Variants in ZNF431 observed in about 807,000 individuals in gnomAD.
The protein encoded by ZNF431 is zinc finger protein 431.
A neutral mutation model predicts 57.0 loss-of-function variants in ZNF431; 34 were observed. The observed-to-expected ratio is 0.60, with a 90% CI of 0.45 to 0.79. The LOEUF is 0.79. ZNF431 is among the 30% of genes least tolerant of loss of function. ZNF431 has a pLI of 0.00. For missense variants in ZNF431, 607 were observed against 667.1 expected (o/e 0.91, Z 0.99); for synonymous variants, 207 against 220.3 (o/e 0.94, Z 0.54).
intron 2 of ZNF431, 29 bp from the exon 3 acceptor site, chr19:21,166,306 A>T (rs1395471592): frequency 3.1e-6 from 5 of 1,607,080 alleles, no homozygotes; most frequent in African/African-American, 1.3e-5. Context: ...TGGTAAATAT[A>T]TGTGTGTCTC....
intron 2 of ZNF431, among the ~76,000 whole-genome samples, chr19:21,155,154 G>A (rs1599584348): frequency 6.6e-6 from 1 of 152,118 alleles, no homozygotes; most frequent in African/African-American, 2.4e-5. Context: ...ATGGTTTTAG[G>A]TCTAACATTT....
intron 2 of ZNF431, among the ~76,000 whole-genome samples, chr19:21,145,054 C>CTTTCCTTATATGAACACCGTG (rs1555705115): frequency 4.7e-5 from 7 of 148,468 alleles, no homozygotes; most frequent in Non-Finnish European, 8.9e-5. Context: ...ATGTAAGTAC[C>CTTTCCTTATATGAACACCGTG]TTTGAGTAAT....
At chr19:21,157,356 G>C (rs572768380) in intron 2 of ZNF431, among the ~76,000 whole-genome samples, 1 of 151,962 alleles carries the variant, frequency 6.6e-6, no homozygotes, top group Non-Finnish European at 1.5e-5. Flanking sequence ...ATTGTATGCA[G>C]CCTATTATTG....
At chr19:21,147,332 CA>C (rs528665015) in intron 2 of ZNF431, among the ~76,000 whole-genome samples, 1 of 151,398 alleles carries the variant, frequency 6.6e-6, no homozygotes, top group Non-Finnish European at 1.5e-5. Context: ...ACTAAAAATA[CA>C]AAAAAAATAG....
At position 21,183,023 on chromosome 19, in the gene ZNF431, T is replaced by G. The variant is rs1971253810; in HGVS notation, c.720T>G (p.Ala240=). 3.1e-6 allele frequency: 5 copies of G among 1,613,808 alleles called. No homozygotes were observed. The highest frequency in any genetic ancestry group is 1.7e-4 in the Middle Eastern group (1 of 6,058). Residue 240 remains alanine (A), a synonymous_variant, in exon 5 of 5, where the codon GCT becomes GCG. Coordinates refer to ENST00000311048, the MANE Select transcript of ZNF431 (RefSeq NM_133473.4). ...NSYQCEECGK[A]FKWFSTLTRH... ...ACCAATGTGAAGAATGTGGCAAAGC[T>G]TTTAAATGGTTCTCAACCCTTACTA...
At chr19:21,143,437 T>G (rs768355755) in intron 1 of ZNF431, 114 bp from the exon 2 acceptor site, 13 of 828,818 alleles carry the variant, frequency 1.6e-5, no homozygotes, top group African/African-American at 3.5e-5. Flanking sequence ...ACCTTTTAGT[T>G]TTTTTCTGGT....
Position 21,191,581 on chromosome 19 carries a change from T to C in ZNF431, c.*7547T>C, listed in dbSNP as rs1971510957. The C allele has an allele frequency of 6.6e-6, 1 of 152,218 alleles. No homozygotes were observed. The highest frequency in any genetic ancestry group is 1.5e-5 in the Non-Finnish European group (1 of 68,028). The allele number at this position is 152,218 out of a possible 1,614,324, so 9.4% of individuals were successfully genotyped here. Reference sequence around the variant, plus strand: ...TTTATTTCGAGTTTATTTTTACATATGGTGTGAGATGAGGGTCTCAATTTT... The same window carrying C: ...TTTATTTCGAGTTTATTTTTACATACGGTGTGAGATGAGGGTCTCAATTTT... On this transcript the variant is annotated 3_prime_UTR_variant, in exon 5 of 5. Coordinates refer to ENST00000311048, the MANE Select transcript of ZNF431 (RefSeq NM_133473.4).
intron 4 of ZNF431, among the ~76,000 whole-genome samples, chr19:21,178,359 G>A (rs979653220): frequency 1.3e-5 from 2 of 152,118 alleles, no homozygotes; most frequent in African/African-American, 4.8e-5. Context: ...TTAAATAGGA[G>A]TGGTGGGGAG....
chr19:21,169,232 T>C (rs1033023876), intron 4 of ZNF431, among the ~76,000 whole-genome samples: 1 of 152,184 alleles, frequency 6.6e-6, no homozygotes, highest in Admixed American at 6.6e-5. Flanking sequence ...AATTTTAATG[T>C]ACTGTTTATG....
At chr19:21,154,802 G>A (rs1281672254) in intron 2 of ZNF431, among the ~76,000 whole-genome samples, 1 of 152,152 alleles carries the variant, frequency 6.6e-6, no homozygotes, top group Non-Finnish European at 1.5e-5. Flanking sequence ...GTATCTGTTG[G>A]CTGCATAAAT....
chr19:21,183,217 C>T lies in ZNF431; in HGVS notation c.914C>T (p.Thr305Ile). 1 of 1,612,520 alleles carries T rather than the reference C, an allele frequency of 6.2e-7. No individual in the cohort carries two copies. Among genetic ancestry groups the T allele is most frequent in the Non-Finnish European group, 8.5e-7 (1 of 1,179,600 alleles). ...KAFNRSSHLT[T>I]HKIIHTGEKP... ...TTCAACCGGTCCTCACACCTTACTA[C>T]ACATAAGATAATTCATACTGGAGAG... The change falls in exon 5 of 5, where the codon ACA becomes ATA. Residue 305 changes from threonine (T) to isoleucine (I), a missense_variant. By Grantham distance (89) the Thr-to-Ile change is moderately conservative (BLOSUM62 -1). Transcript: ENST00000311048.
intron 2 of ZNF431, among the ~76,000 whole-genome samples, chr19:21,154,623 T>G (rs1353347869): frequency 6.6e-6 from 1 of 152,162 alleles, no homozygotes; most frequent in Admixed American, 6.5e-5. Flanking sequence ...TGAACTAGTT[T>G]ACAGTCCCAC....
chr19:21,175,360 T>G (rs1971020220), intron 4 of ZNF431: 1 of 676,774 alleles, frequency 1.5e-6, no homozygotes, highest in Admixed American at 2.2e-5. Context: ...TTAACTAATT[T>G]TTAAAATGAC....
chr19:21,176,681 G>A (rs1971060529), intron 4 of ZNF431, among the ~76,000 whole-genome samples: 1 of 152,028 alleles, frequency 6.6e-6, no homozygotes, highest in Non-Finnish European at 1.5e-5. Context: ...TCACTCTGAT[G>A]ATAATTTATT....
In ZNF431 at chr19:21,182,705, T is replaced by C. The variant is rs1469139801; in HGVS notation, c.402T>C (p.Tyr134=). 12 of 1,613,902 alleles carry C rather than the reference T, an allele frequency of 7.4e-6. No homozygotes were observed. Among genetic ancestry groups the C allele is most frequent in the South Asian group, 2.2e-5 (2 of 91,082 alleles). Residue 134 remains tyrosine, a synonymous_variant, in exon 5 of 5, where the codon TAT becomes TAC. Coordinates refer to ENST00000311048, the MANE Select transcript of ZNF431 (RefSeq NM_133473.4). Reference sequence around the variant, plus strand: ...TTCAACAAGTAATACTGAGAAGATATGGCAAATGTGAACATGAGAATTTAC... The same window carrying C: ...TTCAACAAGTAATACTGAGAAGATACGGCAAATGTGAACATGAGAATTTAC... The part of the protein sequence containing the change: ...DSFQQVILRR[Y]GKCEHENLQL...
intron 2 of ZNF431, among the ~76,000 whole-genome samples, chr19:21,146,400 ACT>A (rs1286697849): frequency 6.9e-5 from 7 of 100,940 alleles, no homozygotes; most frequent in Non-Finnish European, 1.2e-4. Context: ...ACAGAGTGAC[ACT>A]CTGTCTGAAA....
intron 2 of ZNF431, among the ~76,000 whole-genome samples, chr19:21,144,956 A>G (rs1001585404): frequency 6.6e-6 from 1 of 152,202 alleles, no homozygotes; most frequent in Non-Finnish European, 1.5e-5. Flanking sequence ...ATAACTGTTT[A>G]CTACATGGTT....
chr19:21,145,647 AC>A (rs1362245794), intron 2 of ZNF431, among the ~76,000 whole-genome samples: 1 of 152,180 alleles, frequency 6.6e-6, no homozygotes, highest in East Asian at 1.9e-4. Flanking sequence ...ATGAAAGGGG[AC>A]TGAGAGGATC....
At chr19:21,168,618 G>A (rs1482052129) in intron 4 of ZNF431, among the ~76,000 whole-genome samples, 1 of 151,860 alleles carries the variant, frequency 6.6e-6, no homozygotes, top group African/African-American at 2.4e-5. Context: ...TGCCCACCTC[G>A]GCCTCCCAAA....
Sources: allele counts gnomAD v4.1 joint callset (sites outside exome capture counted in the v4.1 genomes callset), GRCh38; gene constraint gnomAD v4.1.1; transcripts MANE v1.5; gene names NCBI Gene and HGNC (gene_info 2026-07-23, HGNC 2026-07-21).